ANKS1B: variants seen among roughly 807,000 people sequenced by gnomAD.
ANKS1B encodes the protein ankyrin repeat and sterile alpha motif domain containing 1B.
A neutral mutation model predicts 148.3 loss-of-function variants in ANKS1B; 36 were observed. The ratio of observed to expected loss-of-function variants is 0.24; its 90% CI spans 0.19 to 0.32. The LOEUF (loss-of-function observed/expected upper bound fraction) is 0.32. ANKS1B is among the 10% of genes least tolerant of loss of function. The pLI is 1.00. For synonymous variants in ANKS1B, 542 were observed against 560.8 expected (o/e 0.97, Z 0.47); for missense variants, 1,157 against 1,542.6 (o/e 0.75, Z 4.19).
At chr12:99,347,162 A>G (rs2090808661) in intron 12 of ANKS1B, among the ~76,000 whole-genome samples, 2 of 152,038 alleles carry the variant, frequency 1.3e-5, no homozygotes, top group South Asian at 4.1e-4. Context: ...CCAGGGCACA[A>G]ACATGGCTGC....
At chr12:98,987,270 C>CATTAAAATTTTAACTTCATTAAAA (rs1228849950) in intron 17 of ANKS1B, among the ~76,000 whole-genome samples, 1 of 151,102 alleles carries the variant, frequency 6.6e-6, no homozygotes, top group African/African-American at 2.4e-5. Flanking sequence ...TGATGAACTT[C>CATTAAAATTTTAACTTCATTAAAA]ATTAAAATTT....
chr12:99,052,698 G>A (rs1280022881), intron 17 of ANKS1B, among the ~76,000 whole-genome samples: 10 of 113,776 alleles, frequency 8.8e-5, no homozygotes, highest in Admixed American at 8.5e-4. Context: ...ACTGCAGTCC[G>A]CAGTCCGACC....
intron 16 of ANKS1B, among the ~76,000 whole-genome samples, chr12:99,081,367 A>G (rs2049697104): frequency 6.6e-6 from 1 of 152,196 alleles, no homozygotes; most frequent in African/African-American, 2.4e-5. Context: ...CTCATGACAG[A>G]TGAAGAATAC....
intron 8 of ANKS1B, among the ~76,000 whole-genome samples, chr12:99,728,351 G>A (rs1034819842): frequency 1.3e-5 from 2 of 152,174 alleles, no homozygotes; most frequent in Non-Finnish European, 2.9e-5. Context: ...AAACATTTAT[G>A]TGGCCAATGA....
chr12:99,531,927 T>C lies in ANKS1B; in HGVS notation c.1273-27286A>G, dbSNP rs570717772. On this transcript the variant is annotated intron_variant, in intron 9 of 26. Transcript: ENST00000683438. ...AGGGTGATCTTGTAGCTCACTGTGG[T>C]TTTAATTTGCATTTCTCTGATGATT... 7.9e-5 allele frequency among the ~76,000 whole-genome samples: 12 copies of C among 152,310 alleles called. No individual in the cohort carries two copies. In the South Asian group the frequency reaches 2.3e-3, roughly 29 times the overall value.
chr12:99,336,463 T>A (rs540981145), intron 12 of ANKS1B, among the ~76,000 whole-genome samples: 1 of 152,244 alleles, frequency 6.6e-6, no homozygotes, highest in South Asian at 2.1e-4. Context: ...TCCTGGAGTG[T>A]TTTTTCAATA....
chr12:99,492,006 G>GA (rs940161485), intron 10 of ANKS1B, among the ~76,000 whole-genome samples: 25 of 151,982 alleles, frequency 1.6e-4, no homozygotes, highest in African/African-American at 5.3e-4. Flanking sequence ...AAGAACTAGA[G>GA]AACCAAGGGC....
intron 17 of ANKS1B, among the ~76,000 whole-genome samples, chr12:98,837,940 CAAGT>C (rs753197841): frequency 2.0e-5 from 3 of 151,904 alleles, no homozygotes; most frequent in African/African-American, 4.8e-5. Context: ...TACAGAAAAA[CAAGT>C]AAGAGAACCA....
rs12580279 is a variant in ANKS1B at position 99,418,957 on chromosome 12, G to A, written c.1576-19146C>T. Among the ~76,000 whole-genome samples the A allele has an allele frequency of 3.1e-3, 469 of 152,152 alleles. 23 individuals are homozygous for A. In the East Asian group the frequency reaches 0.069, roughly 22 times the overall value. ...TTTATTGATTTCAAATATTGAATGA[G>A]TTATGCATCCCTAAAATAAACCTCA... is the stretch of plus-strand genomic sequence containing the variant. On this transcript the variant is annotated intron_variant, in intron 11 of 26. Transcript: ENST00000683438.
At chr12:99,829,794 C>T (rs903644926) in intron 1 of ANKS1B, among the ~76,000 whole-genome samples, 4 of 152,186 alleles carry the variant, frequency 2.6e-5, no homozygotes, top group East Asian at 1.9e-4. Flanking sequence ...CACGCCAGTG[C>T]ACTCCAGCCT....
At chr12:98,937,169 C>G (rs2152993905) in intron 17 of ANKS1B, among the ~76,000 whole-genome samples, 2 of 152,294 alleles carry the variant, frequency 1.3e-5, no homozygotes, top group Middle Eastern at 6.8e-3. Flanking sequence ...AGGATGACAT[C>G]AAGGAACACT....
intron 1 of ANKS1B, among the ~76,000 whole-genome samples, chr12:99,894,248 C>T (rs2093269995): frequency 8.4e-6 from 1 of 119,594 alleles, no homozygotes; most frequent in Non-Finnish European, 1.6e-5. Flanking sequence ...GGGAGACCCC[C>T]ATCTCGAAAG....
At chr12:98,786,223 T>C (rs1004235104) in intron 22 of ANKS1B, among the ~76,000 whole-genome samples, 19 of 152,224 alleles carry the variant, frequency 1.2e-4, no homozygotes, top group African/African-American at 3.6e-4. Flanking sequence ...AGAAATGATA[T>C]TTAGTTATAT....
intron 1 of ANKS1B, among the ~76,000 whole-genome samples, chr12:99,902,988 A>G (rs1171916955): frequency 6.6e-6 from 1 of 151,392 alleles, no homozygotes; most frequent in Admixed American, 6.6e-5. Flanking sequence ...CTGGTCTCAA[A>G]CTCTTGACCT....
intron 8 of ANKS1B, among the ~76,000 whole-genome samples, chr12:99,744,991 C>CAAAAAAA (rs55904412): frequency 7.7e-5 from 4 of 52,080 alleles, no homozygotes; most frequent in African/African-American, 2.6e-4. Flanking sequence ...GACTCTGTCT[C>CAAAAAAA]AAAAAAAAAA....
intron 14 of ANKS1B, among the ~76,000 whole-genome samples, chr12:99,217,028 G>C (rs1259456825): frequency 6.6e-6 from 1 of 152,260 alleles, no homozygotes; most frequent in East Asian, 1.9e-4. Context: ...GTGTGTTAAA[G>C]GTGGCAGAAG....
chr12:99,468,021 G>C (rs929045135), intron 10 of ANKS1B, among the ~76,000 whole-genome samples: 72 of 152,136 alleles, frequency 4.7e-4, no homozygotes, highest in South Asian at 2.5e-3. Context: ...AGGCATCACG[G>C]TACCTGACTT....
At chr12:99,836,647 G>A (rs991890234) in intron 1 of ANKS1B, among the ~76,000 whole-genome samples, 2 of 152,028 alleles carry the variant, frequency 1.3e-5, no homozygotes, top group East Asian at 1.9e-4. Context: ...TAACCACACC[G>A]AGCCATAAAC....
intron 16 of ANKS1B, among the ~76,000 whole-genome samples, chr12:99,065,820 G>C (rs1390248168): frequency 6.6e-6 from 1 of 152,218 alleles, no homozygotes; most frequent in African/African-American, 2.4e-5. Flanking sequence ...TACCTTCTAA[G>C]TGGGGAAGAC....
Sources: gnomAD v4.1 joint callset for allele counts (sites outside exome capture counted in the v4.1 genomes callset) on GRCh38, gnomAD v4.1.1 for gene constraint, MANE v1.5 for transcripts, NCBI Gene and HGNC (gene_info 2026-07-23, HGNC 2026-07-21) for gene names.